LRP1B: variants seen among roughly 807,000 people sequenced by gnomAD.
LRP1B encodes low-density lipoprotein receptor-related protein 1B.
Under a neutral mutation model 556.6 loss-of-function variants are expected in LRP1B, and 217 were observed. The observed-to-expected ratio is 0.39, with a 90% confidence interval of 0.35 to 0.44. The LOEUF is 0.44. Ranked by LOEUF, LRP1B falls within the 20% of genes least tolerant of loss-of-function variation. LRP1B has a pLI of 1.00. For missense variants in LRP1B, 5,053 were observed against 5,620.8 expected (o/e 0.90, Z 3.23); for synonymous variants, 2,047 against 1,865.8 (o/e 1.10, Z -2.50).
chr2:140,958,679 A>G (rs908564906), intron 18 of LRP1B, among the ~76,000 whole-genome samples: 4 of 151,776 alleles, frequency 2.6e-5, no homozygotes, highest in Admixed American at 6.6e-5. Context: ...TTCAGGAAGC[A>G]AAATCTATTT....
chr2:141,002,886 T>G (rs1046588121), intron 15 of LRP1B, among the ~76,000 whole-genome samples: 1 of 152,014 alleles, frequency 6.6e-6, no homozygotes, highest in Non-Finnish European at 1.5e-5. Context: ...AAAGGACTTA[T>G]TTTTGGTAAT....
At chr2:141,302,054 G>A (rs1686415259) in intron 3 of LRP1B, among the ~76,000 whole-genome samples, 1 of 151,776 alleles carries the variant, frequency 6.6e-6, no homozygotes, top group Non-Finnish European at 1.5e-5. Flanking sequence ...AAACAAACAA[G>A]TAAGCCACAA....
chr2:142,058,671 C>T (rs910491797), intron 1 of LRP1B, among the ~76,000 whole-genome samples: 1 of 152,076 alleles, frequency 6.6e-6, no homozygotes, highest in Non-Finnish European at 1.5e-5. Flanking sequence ...TGCTTTAGAG[C>T]ACTTTACTCC....
intron 2 of LRP1B, among the ~76,000 whole-genome samples, chr2:141,705,581 C>A (rs1302962888): frequency 3.3e-5 from 5 of 152,020 alleles, no homozygotes; most frequent in African/African-American, 1.2e-4. Flanking sequence ...GAATTCCTTT[C>A]ATTTCCATGG....
chr2:140,577,866 C>T (rs1027815266), intron 43 of LRP1B, among the ~76,000 whole-genome samples: 5 of 152,104 alleles, frequency 3.3e-5, no homozygotes, highest in Non-Finnish European at 7.4e-5. Flanking sequence ...GCAGTTGAAT[C>T]TAATTATATT....
At chr2:142,115,303 G>C (rs72851467) in intron 1 of LRP1B, among the ~76,000 whole-genome samples, 31,105 of 148,694 alleles carry the variant, frequency 0.21, 3,474 homozygotes, top group Middle Eastern at 0.43. Context: ...ATAAGAAAGC[G>C]CTCAAAAAAG....
chr2:141,304,519 A>G (rs866466881), intron 3 of LRP1B, among the ~76,000 whole-genome samples: 1 of 119,744 alleles, frequency 8.4e-6, no homozygotes, highest in Middle Eastern at 6.5e-3. Flanking sequence ...TCGTTCTGCC[A>G]CCCAGGCTCA....
In LRP1B at chr2:140,297,956, G is replaced by C. The variant is rs1216538682; in HGVS notation, c.12819C>G (p.Cys4273Trp). 1 of 1,609,026 alleles carries C rather than the reference G, an allele frequency of 6.2e-7. No homozygotes were observed. ...GCCCAGTGAAACCCAGTGCACAGCT[G>C]CAGGTGGGTCTCCCTATTGGAAACA... ...CVPSVLGRPTCSCALGFTGPN... is the reference protein window; with the variant it reads ...CVPSVLGRPTWSCALGFTGPN... Residue 4273 changes from cysteine to tryptophan, a missense_variant, in exon 84 of 91, where the codon TGC becomes TGG. Cys to Trp is a radical substitution (Grantham distance 215). This residue lies in a region of LRP1B where 551 missense variants were observed against 592.0 expected (regional missense o/e 0.93). Transcript: ENST00000389484.
intron 1 of LRP1B, among the ~76,000 whole-genome samples, chr2:141,900,923 A>G (rs1699600024): frequency 6.6e-6 from 1 of 151,886 alleles, no homozygotes; most frequent in African/African-American, 2.4e-5. Context: ...AGGTAGATTG[A>G]GGTGAGAAAA....
intron 1 of LRP1B, among the ~76,000 whole-genome samples, chr2:141,974,412 G>C (rs1274560677): frequency 6.6e-6 from 1 of 151,906 alleles, no homozygotes; most frequent in Non-Finnish European, 1.5e-5. Context: ...AAGATTTAAG[G>C]TTTTCTGCTG....
At position 140,581,161 on chromosome 2, in the gene LRP1B, G is replaced by T. The variant is rs375990637; in HGVS notation, c.7194+17470C>A. 1.1e-4 allele frequency among the ~76,000 whole-genome samples: 16 copies of T among 152,278 alleles called. No individual in the cohort carries two copies. In the East Asian group the frequency reaches 2.1e-3, roughly 20 times the overall value. Reference sequence around the variant, plus strand: ...TTGATATAAGAAGACAGAGTGGGAGGACCTGAAGTCAGAATTGAAAGGTTC... The same window carrying T: ...TTGATATAAGAAGACAGAGTGGGAGTACCTGAAGTCAGAATTGAAAGGTTC... On this transcript the variant is annotated intron_variant, in intron 43 of 90. Coordinates refer to ENST00000389484, the MANE Select transcript of LRP1B (RefSeq NM_018557.3).
At chr2:141,183,032 C>T (rs187361008) in intron 7 of LRP1B, among the ~76,000 whole-genome samples, 154 of 152,042 alleles carry the variant, frequency 1.0e-3, no homozygotes, top group African/African-American at 3.0e-3. Context: ...GATGTTCAAA[C>T]CCCCTACAGC....
At chr2:140,914,893 T>C (rs952646610) in intron 21 of LRP1B, among the ~76,000 whole-genome samples, 6 of 152,102 alleles carry the variant, frequency 3.9e-5, no homozygotes, top group African/African-American at 1.4e-4. Context: ...ATTAAGCTTC[T>C]ACTGTGTTCT....
chr2:142,057,820 C>T (rs955630316), intron 1 of LRP1B, among the ~76,000 whole-genome samples: 6 of 152,098 alleles, frequency 3.9e-5, no homozygotes, highest in African/African-American at 1.2e-4. Context: ...GCTCAAAGAG[C>T]TCCTTCTCTG....
At chr2:141,042,886 C>A (rs577754071) in intron 11 of LRP1B, among the ~76,000 whole-genome samples, 1 of 151,922 alleles carries the variant, frequency 6.6e-6, no homozygotes, top group East Asian at 1.9e-4. Context: ...ATTTTGTACT[C>A]TTGGGCCCAT....
intron 89 of LRP1B, 88 bp downstream of exon 89, chr2:140,238,064 G>T: frequency 8.2e-7 from 1 of 1,214,270 alleles, no homozygotes. Flanking sequence ...TCAGATAACA[G>T]AAAAACTTGG....
chr2:140,507,202 T>C (rs1689456235), intron 52 of LRP1B, among the ~76,000 whole-genome samples: 1 of 152,202 alleles, frequency 6.6e-6, no homozygotes, highest in Non-Finnish European at 1.5e-5. Context: ...TTAAATTTGC[T>C]GAAGGATGAA....
At chr2:140,556,273 TTGGAGGAAAGG>T (rs1558965607) in intron 43 of LRP1B, among the ~76,000 whole-genome samples, 1 of 151,960 alleles carries the variant, frequency 6.6e-6, no homozygotes, top group African/African-American at 2.4e-5. Context: ...TAATCTGCCC[TTGGAGGAAAGG>T]ACACCCTAAT....
At chr2:142,093,081 A>G (rs1371040070) in intron 1 of LRP1B, among the ~76,000 whole-genome samples, 1 of 152,094 alleles carries the variant, frequency 6.6e-6, no homozygotes, top group Non-Finnish European at 1.5e-5. Context: ...TTCACATTCT[A>G]TAAGGCATAA....
Sources: allele counts gnomAD v4.1 joint callset (sites outside exome capture counted in the v4.1 genomes callset), GRCh38; gene constraint gnomAD v4.1.1; regional missense constraint gnomAD v4.1.1; transcripts MANE v1.5; gene names NCBI Gene and HGNC (gene_info 2026-07-23, HGNC 2026-07-21).